The following KCNQ1OT1 variants were observed in gnomAD, a reference collection of about 807,000 sequenced individuals.
The protein encoded by KCNQ1OT1 is KCNQ1 opposite strand/antisense transcript 1.
chr11:2,697,458 T>C (rs1850697022), exon 1 of KCNQ1OT1: 1 of 398,500 alleles, frequency 2.5e-6, no homozygotes, highest in Non-Finnish European at 4.4e-6. Context: ...GATACACTTT[T>C]AATTTCTCTA....
In KCNQ1OT1 at chr11:2,624,749, A is replaced by G. The variant is rs147108721; in HGVS notation, n.75246T>C. The G allele has an allele frequency of 2.5e-6, 1 of 397,976 alleles. No individual in the cohort carries two copies. Among genetic ancestry groups the G allele is most frequent in the Non-Finnish European group, 4.4e-6 (1 of 225,932 alleles). 24.7% of individuals were successfully genotyped at this position (397,976 alleles called of 1,614,324 possible). A position where few individuals can be genotyped will look rare whatever the true frequency, so the allele number is the denominator to read the frequency against. On this transcript the variant is annotated non_coding_transcript_exon_variant, in exon 1 of 1. Transcript: ENST00000597346. The surrounding 1 kb of genome is among the most constrained non-coding windows in gnomAD (Gnocchi z 4.9). ...TAAACAATAATTCCCCAACCCCCCC[A>G]CCACCGCCATCTCTTGGAAACCACC... is the stretch of plus-strand genomic sequence containing the variant.
chr11:2,641,885 G>T, exon 1 of KCNQ1OT1: 2 of 398,448 alleles, frequency 5.0e-6, no homozygotes, highest in Non-Finnish European at 8.9e-6. Context: ...TAAGTGAAGA[G>T]GGTGCTCTTT....
Position 2,679,030 on chromosome 11 carries a change from G to GC in KCNQ1OT1, n.20964dup, listed in dbSNP as rs1590026923. On this transcript the variant is annotated non_coding_transcript_exon_variant, in exon 1 of 1. Coordinates refer to ENST00000597346, the Ensembl canonical transcript of KCNQ1OT1. This position sits in a 1 kb window ranked among gnomAD's most constrained non-coding sequence, Gnocchi z 4.8. ...TAAGAAACATAATCTAAAACTTGTA[G>GC]CCCAGCCCCTCCTCCATACCAACCA... The GC allele has an allele frequency of 2.5e-6, 1 of 398,454 alleles. No homozygotes were observed. The highest frequency in any genetic ancestry group is 4.4e-6 in the Non-Finnish European group (1 of 226,076). The allele number at this position is 398,454 out of a possible 1,614,324, so 24.7% of individuals were successfully genotyped here.
At chr11:2,636,489 A>G (rs1435111343) in exon 1 of KCNQ1OT1, 1 of 152,190 alleles carries the variant, frequency 6.6e-6, no homozygotes, top group African/African-American at 2.4e-5. Context: ...GATAATGTTT[A>G]TTGATTTGCA....
At position 2,623,630 on chromosome 11, in the gene KCNQ1OT1, T is replaced by G. The variant is rs548620957; in HGVS notation, n.76365A>C. ...TTTCTATTTAGTGATGAATAATATTTCATTGCCTGGATGTACTACAGTTTA... is the reference window on the plus strand; with the variant it reads ...TTTCTATTTAGTGATGAATAATATTGCATTGCCTGGATGTACTACAGTTTA... On this transcript the variant is annotated non_coding_transcript_exon_variant, in exon 1 of 1. Coordinates refer to ENST00000597346, the Ensembl canonical transcript of KCNQ1OT1. This position sits in a 1 kb window ranked among gnomAD's most constrained non-coding sequence, Gnocchi z 5.2. 2 of 398,608 alleles carry G rather than the reference T, an allele frequency of 5.0e-6. No homozygotes were observed. Among genetic ancestry groups the G allele is most frequent in the East Asian group, 7.1e-5 (2 of 28,062 alleles). 24.7% of individuals were successfully genotyped at this position (398,608 alleles called of 1,614,324 possible). A position where few individuals can be genotyped will look rare whatever the true frequency, so the allele number is the denominator to read the frequency against.
Position 2,673,338 on chromosome 11 carries a change from A to G in KCNQ1OT1, n.26657T>C, listed in dbSNP as rs1003589171. The G allele has an allele frequency of 3.0e-5, 12 of 398,626 alleles. No individual in the cohort carries two copies. Among genetic ancestry groups the G allele is most frequent in the Non-Finnish European group, 4.4e-6 (1 of 226,136 alleles). The allele number at this position is 398,626 out of a possible 1,614,324, so 24.7% of individuals were successfully genotyped here. Reference sequence around the variant, plus strand: ...GGCTACCAGGCCAGCTTTTGGAAACAGTCTCATTAGCAAACAAAGGGAAGT... The same window carrying G: ...GGCTACCAGGCCAGCTTTTGGAAACGGTCTCATTAGCAAACAAAGGGAAGT... On this transcript the variant is annotated non_coding_transcript_exon_variant, in exon 1 of 1. Transcript: ENST00000597346. This position sits in a 1 kb window ranked among gnomAD's most constrained non-coding sequence, Gnocchi z 4.5.
chr11:2,685,750 C>CA (rs1850477390), exon 1 of KCNQ1OT1: 2 of 398,592 alleles, frequency 5.0e-6, no homozygotes, highest in South Asian at 2.5e-4. Context: ...GGCCAGCAGG[C>CA]AGGCATCCTC....
chr11:2,653,500 C>A lies in KCNQ1OT1; in HGVS notation n.46495G>T. ...TTTCAGACACAGCTGGACCCCAGAG[C>A]TGAGATGATCTTGCTCACTTGCTCT... On this transcript the variant is annotated non_coding_transcript_exon_variant, in exon 1 of 1. Coordinates refer to ENST00000597346, the Ensembl canonical transcript of KCNQ1OT1. This position sits in a 1 kb window ranked among gnomAD's most constrained non-coding sequence, Gnocchi z 5.3. The A allele has an allele frequency of 2.5e-6, 1 of 398,706 alleles. No individual in the cohort carries two copies. Among genetic ancestry groups the A allele is most frequent in the East Asian group, 3.6e-5 (1 of 28,078 alleles). 24.7% of individuals were successfully genotyped at this position (398,706 alleles called of 1,614,324 possible).
chr11:2,649,803 T>G, exon 1 of KCNQ1OT1: 1 of 398,534 alleles, frequency 2.5e-6, no homozygotes, highest in East Asian at 3.6e-5. Context: ...TATTTAGGGA[T>G]TTGTGAGCTT....
Position 2,679,499 on chromosome 11 carries a change from C to A in KCNQ1OT1, n.20496G>T. The stretch of plus-strand genomic sequence containing the variant: ...AAGTGCCTGTCCTATAGTAGTGACA[C>A]AGTGTTACTTAAATGTATTGCTATA... On this transcript the variant is annotated non_coding_transcript_exon_variant, in exon 1 of 1. Transcript: ENST00000597346. The surrounding 1 kb of genome is among the most constrained non-coding windows in gnomAD (Gnocchi z 4.8). The A allele has an allele frequency of 2.5e-6, 1 of 398,622 alleles. No individual in the cohort carries two copies. Among genetic ancestry groups the A allele is most frequent in the Non-Finnish European group, 4.4e-6 (1 of 226,068 alleles). The allele number at this position is 398,622 out of a possible 1,614,324, so 24.7% of individuals were successfully genotyped here. A position where few individuals can be genotyped will look rare whatever the true frequency, so the allele number is the denominator to read the frequency against.
At position 2,612,152 on chromosome 11, in the gene KCNQ1OT1, C is replaced by T. The variant is rs1848987533; in HGVS notation, n.87843G>A. On this transcript the variant is annotated non_coding_transcript_exon_variant, in exon 1 of 1. Transcript: ENST00000597346. The surrounding 1 kb of genome is among the most constrained non-coding windows in gnomAD (Gnocchi z 5.5). ...GTACCAGTCTGTGGCCTATTAGAAA[C>T]TGGGCTACACAGCAGGAGGTGAGCA... 1 of 398,520 alleles carries T rather than the reference C, an allele frequency of 2.5e-6. No individual in the cohort carries two copies. The highest frequency in any genetic ancestry group is 4.4e-5 in the Admixed American group (1 of 22,720). 24.7% of individuals were successfully genotyped at this position (398,520 alleles called of 1,614,324 possible).
At chr11:2,638,197 A>G (rs1428664562) in exon 1 of KCNQ1OT1, 1 of 152,106 alleles carries the variant, frequency 6.6e-6, no homozygotes, top group African/African-American at 2.4e-5. Flanking sequence ...TAATATTGTT[A>G]TGTGTGAATT....
chr11:2,631,964 C>G (rs773154697), exon 1 of KCNQ1OT1: 2 of 396,642 alleles, frequency 5.0e-6, no homozygotes, highest in Non-Finnish European at 8.9e-6. Flanking sequence ...GGGCAGATCA[C>G]AAGGTCAGGA....
chr11:2,633,881 GTATACA>G, exon 1 of KCNQ1OT1: 1 of 398,592 alleles, frequency 2.5e-6, no homozygotes, highest in Non-Finnish European at 4.4e-6. Flanking sequence ...TCAGTCATCT[GTATACA>G]TAGTTTTCAC....
At position 2,657,814 on chromosome 11, in the gene KCNQ1OT1, G is replaced by A. The variant is rs1225415167; in HGVS notation, n.42181C>T. The A allele has an allele frequency of 5.0e-6, 2 of 398,428 alleles. No individual in the cohort carries two copies. The highest frequency in any genetic ancestry group is 4.4e-5 in the Admixed American group (1 of 22,720). 24.7% of individuals were successfully genotyped at this position (398,428 alleles called of 1,614,324 possible). Reference sequence around the variant, plus strand: ...ACCAGTCAGGTGTCATTGTCCCTCAGTTTGGATTTGTCTGGTGTTTTCTCA... The same window carrying A: ...ACCAGTCAGGTGTCATTGTCCCTCAATTTGGATTTGTCTGGTGTTTTCTCA... On this transcript the variant is annotated non_coding_transcript_exon_variant, in exon 1 of 1. Transcript: ENST00000597346. The surrounding 1 kb of genome is among the most constrained non-coding windows in gnomAD (Gnocchi z 4.8).
At position 2,627,096 on chromosome 11, in the gene KCNQ1OT1, A is replaced by G; in HGVS notation, n.72899T>C. 2.5e-6 allele frequency: 1 copy of G among 398,478 alleles called. No homozygotes were observed. Among genetic ancestry groups the G allele is most frequent in the Non-Finnish European group, 4.4e-6 (1 of 226,042 alleles). The allele number at this position is 398,478 out of a possible 1,614,324, so 24.7% of individuals were successfully genotyped here. On this transcript the variant is annotated non_coding_transcript_exon_variant, in exon 1 of 1. Coordinates refer to ENST00000597346, the Ensembl canonical transcript of KCNQ1OT1. The surrounding 1 kb of genome is among the most constrained non-coding windows in gnomAD (Gnocchi z 4.9). Reference sequence around the variant, plus strand: ...CTTTATGTCTACTTTAATTTCTTTCAGCATTGTTTTGTAATTTTCATTGTA... The same window carrying G: ...CTTTATGTCTACTTTAATTTCTTTCGGCATTGTTTTGTAATTTTCATTGTA...
exon 1 of KCNQ1OT1, chr11:2,688,756 C>T: frequency 2.5e-6 from 1 of 398,878 alleles, no homozygotes; most frequent in Non-Finnish European, 4.4e-6. Flanking sequence ...GTTACTGTGG[C>T]AGTTTCCACC....
chr11:2,675,623 C>T, exon 1 of KCNQ1OT1: 1 of 398,602 alleles, frequency 2.5e-6, no homozygotes, highest in Non-Finnish European at 4.4e-6. Flanking sequence ...TGGAGAGCAC[C>T]CCTTATTAGA....
rs1850126800 is a variant in KCNQ1OT1 at position 2,668,662 on chromosome 11, T to C, written n.31333A>G. 1 of 398,644 alleles carries C rather than the reference T, an allele frequency of 2.5e-6. No individual in the cohort carries two copies. The highest frequency in any genetic ancestry group is 6.3e-4 in the Middle Eastern group (1 of 1,588). The allele number at this position is 398,644 out of a possible 1,614,324, so 24.7% of individuals were successfully genotyped here. A position where few individuals can be genotyped will look rare whatever the true frequency, so the allele number is the denominator to read the frequency against. On this transcript the variant is annotated non_coding_transcript_exon_variant, in exon 1 of 1. Transcript: ENST00000597346. The surrounding 1 kb of genome is among the most constrained non-coding windows in gnomAD (Gnocchi z 4.3). The stretch of plus-strand genomic sequence containing the variant: ...TGGTCCTATATATCTTTAGATATTC[T>C]GGAGTCATTTGTCAGAGAGAGAGAT...
Sources: gnomAD v4.1 joint callset for allele counts on GRCh38, gnomAD v4.1.1 for gene constraint, Gnocchi (gnomAD v3.1) non-coding constraint, MANE v1.5 for transcripts, NCBI Gene and HGNC (gene_info 2026-07-23, HGNC 2026-07-21) for gene names.